The following PLAT variants were observed in gnomAD, a reference collection of about 807,000 sequenced individuals.
The protein encoded by PLAT is tissue-type plasminogen activator.
Under a neutral mutation model 74.9 loss-of-function variants are expected in PLAT, and 48 were observed. That is an observed-to-expected ratio of 0.64 (90% CI 0.51 to 0.82). The LOEUF is 0.82. PLAT is among the 40% of genes least tolerant of loss of function. The pLI, the probability that PLAT is intolerant of heterozygous loss-of-function variation, is 0.00. For synonymous variants in PLAT, 307 were observed against 294.4 expected (o/e 1.04, Z -0.44); for missense variants, 673 against 736.2 (o/e 0.91, Z 0.99).
At chr8:42,196,059 T>A (rs569885235) in intron 1 of PLAT, among the ~76,000 whole-genome samples, 1 of 152,312 alleles carries the variant, frequency 6.6e-6, no homozygotes, top group Non-Finnish European at 1.5e-5. Context: ...CCAAAAGGAA[T>A]GCAATCCCAG....
intron 13 of PLAT, among the ~76,000 whole-genome samples, chr8:42,177,841 A>G (rs1283786084): frequency 6.6e-6 from 1 of 152,226 alleles, no homozygotes; most frequent in African/African-American, 2.4e-5. Context: ...GAAACCGCCG[A>G]TATGACTGCC....
chr8:42,203,182 C>T (rs892686068), intron 1 of PLAT, among the ~76,000 whole-genome samples: 5 of 152,202 alleles, frequency 3.3e-5, no homozygotes, highest in Non-Finnish European at 5.9e-5. Context: ...ACACAGGTCT[C>T]CTGGTATCTG....
At chr8:42,176,629 A>G (rs1464909060) in intron 13 of PLAT, among the ~76,000 whole-genome samples, 1 of 152,228 alleles carries the variant, frequency 6.6e-6, no homozygotes. Flanking sequence ...AAATACACGA[A>G]TGCATGATAA....
In PLAT at chr8:42,185,111, C is replaced by T. The variant is rs1462718222; in HGVS notation, c.601G>A (p.Glu201Lys). ...YVFKAGKYSS[E>K]FCSTPACSEG... ...GAGCAGGCAGGGGTGCTGCAGAACT[C>T]TGAGCTGTACTTCCCCGCCTTAAAG... is the stretch of plus-strand genomic sequence containing the variant. The change falls in exon 7 of 14, where the codon GAG becomes AAG. Residue 201 changes from glutamate (E) to lysine (K), a missense_variant. Physicochemically the swap from Glu to Lys is moderately conservative, Grantham distance 56 (BLOSUM62 1). Transcript: ENST00000220809. The T allele has an allele frequency of 3.1e-6, 5 of 1,611,988 alleles. No individual in the cohort carries two copies. The highest frequency in any genetic ancestry group is 1.7e-5 in the Admixed American group (1 of 59,582).
chr8:42,185,384 T>C lies in PLAT; in HGVS notation c.540-212A>G, dbSNP rs1805414315. 4 of 382,426 alleles carry C rather than the reference T, an allele frequency of 1.0e-5. No homozygotes were observed. In the East Asian group the frequency reaches 1.7e-4, roughly 16 times the overall value. 23.7% of individuals were successfully genotyped at this position (382,426 alleles called of 1,614,324 possible). On this transcript the variant is annotated intron_variant, in intron 6 of 13. Transcript: ENST00000220809. Reference sequence around the variant, plus strand: ...ATTTGGGCAATTCTTCAGCCTCAGCTTCCCGAGTAGCTGGGATTACAGGTG... The same window carrying C: ...ATTTGGGCAATTCTTCAGCCTCAGCCTCCCGAGTAGCTGGGATTACAGGTG...
chr8:42,179,030 G>A lies in PLAT; in HGVS notation c.1397C>T (p.Ala466Val), dbSNP rs756882853. Residue 466 changes from alanine to valine, a missense_variant, in exon 13 of 14, where the codon GCT becomes GTT. By Grantham distance (64) the Ala-to-Val change is moderately conservative. Transcript: ENST00000220809. ...SPFYSERLKE[A>V]HVRLYPSSRC... ...GCTGGATGGGTACAGTCTGACATGA[G>A]CCTCCTTCAGCCGCTCCGAATAGAA... The A allele has an allele frequency of 6.2e-7, 1 of 1,612,936 alleles. No homozygotes were observed. The highest frequency in any genetic ancestry group is 8.5e-7 in the Non-Finnish European group (1 of 1,178,882).
intron 1 of PLAT, among the ~76,000 whole-genome samples, chr8:42,206,094 C>T (rs1806320315): frequency 6.6e-6 from 1 of 152,192 alleles, no homozygotes; most frequent in African/African-American, 2.4e-5. Flanking sequence ...GCCGCAGACA[C>T]TGGGAGAATC....
At chr8:42,187,332 C>T in intron 6 of PLAT, 66 bp downstream of exon 6, 1 of 1,409,636 alleles carries the variant, frequency 7.1e-7, no homozygotes, top group Non-Finnish European at 9.6e-7. Flanking sequence ...ACGGATCTGA[C>T]AGAATCTTTC....
Position 42,175,630 on chromosome 8 carries a change from C to T in PLAT, c.*363G>A. The T allele has an allele frequency of 5.3e-6, 1 of 189,718 alleles. No individual in the cohort carries two copies. The allele number at this position is 189,718 out of a possible 1,614,324, so 11.8% of individuals were successfully genotyped here. ...TGTTATCTTTTACTATTGAGACATG[C>T]TTTCATTTTTGTGGTCCTGTTTCCA... On this transcript the variant is annotated 3_prime_UTR_variant, in exon 14 of 14. Coordinates refer to ENST00000220809, the MANE Select transcript of PLAT (RefSeq NM_000930.5).
At position 42,175,667 on chromosome 8, in the gene PLAT, G is replaced by A. The variant is rs891002212; in HGVS notation, c.*326C>T. The stretch of plus-strand genomic sequence containing the variant: ...TGGTCCTGTTTCCAAAGCTGCTCAC[G>A]GTGACAGGTCAGGAGGTTGGGCTTT... On this transcript the variant is annotated 3_prime_UTR_variant, in exon 14 of 14. Coordinates refer to ENST00000220809, the MANE Select transcript of PLAT (RefSeq NM_000930.5). The A allele has an allele frequency of 1.7e-5, 4 of 241,284 alleles. No individual in the cohort carries two copies. The highest frequency in any genetic ancestry group is 3.2e-5 in the Non-Finnish European group (4 of 124,254). The allele number at this position is 241,284 out of a possible 1,614,324, so 14.9% of individuals were successfully genotyped here. A position where few individuals can be genotyped will look rare whatever the true frequency, so the allele number is the denominator to read the frequency against.
At chr8:42,188,246 C>G (rs547197720) in intron 4 of PLAT, 113 of 449,744 alleles carry the variant, frequency 2.5e-4, no homozygotes, top group African/African-American at 1.9e-3. Flanking sequence ...TCAAGGGTCC[C>G]CTGTATTTTC....
chr8:42,201,917 C>T (rs1425289115), intron 1 of PLAT, among the ~76,000 whole-genome samples: 5 of 152,178 alleles, frequency 3.3e-5, no homozygotes, highest in Admixed American at 1.3e-4. Context: ...TGTTAGACAC[C>T]GGCTCTTGCT....
At chr8:42,206,420 C>T (rs923308789) in intron 1 of PLAT, among the ~76,000 whole-genome samples, 3 of 152,184 alleles carry the variant, frequency 2.0e-5, no homozygotes, top group South Asian at 2.1e-4. Flanking sequence ...CCAGAATGAG[C>T]GTTCTTGCCA....
chr8:42,201,011 G>A (rs1308623295), intron 1 of PLAT, among the ~76,000 whole-genome samples: 1 of 152,096 alleles, frequency 6.6e-6, no homozygotes, highest in Admixed American at 6.5e-5. Context: ...TGTATTTTTA[G>A]TAGAGACAGG....
Position 42,187,556 on chromosome 8 carries a change from G to T in PLAT, c.381C>A (p.Cys127Ter), listed in dbSNP as rs373564770. 2 of 1,600,344 alleles carry T rather than the reference G, an allele frequency of 1.2e-6. No individual in the cohort carries two copies. Among genetic ancestry groups the T allele is most frequent in the Non-Finnish European group, 8.5e-7 (1 of 1,171,614 alleles). ...KCCEIDTRAT[C>*]YEDQGISYRG... The stretch of plus-strand genomic sequence containing the variant: ...TGTAGCTGATGCCCTGGTCCTCGTA[G>T]CACGTGGCCCTGGTATCTGACAGAG... Residue 127 changes from cysteine to a stop codon, truncating the protein, a stop_gained, in exon 6 of 14, where the codon TGC becomes TGA. Coordinates refer to ENST00000220809, the MANE Select transcript of PLAT (RefSeq NM_000930.5). LOFTEE classifies it high-confidence loss of function.
intron 1 of PLAT, among the ~76,000 whole-genome samples, chr8:42,194,794 A>ACCCCCCCCCCCCC (rs8178720): frequency 4.1e-5 from 5 of 121,822 alleles, no homozygotes; most frequent in Non-Finnish European, 8.5e-5. Flanking sequence ...CTCCACGCCC[A>ACCCCCCCCCCCCC]CCCCCCCCAC....
intron 7 of PLAT, among the ~76,000 whole-genome samples, chr8:42,184,299 TA>T (rs1805366467): frequency 6.6e-6 from 1 of 152,150 alleles, no homozygotes; most frequent in Non-Finnish European, 1.5e-5. Context: ...ATGTGATAAG[TA>T]ACGTAATGAT....
chr8:42,188,398 T>C (rs2070712), intron 4 of PLAT: 136,249 of 177,340 alleles, frequency 0.77, 53,308 homozygotes, highest in African/African-American at 0.94. Context: ...CACCTCTTTA[T>C]AGATGAGGAA....
chr8:42,193,616 A>G (rs1033324641), intron 1 of PLAT: 4 of 173,686 alleles, frequency 2.3e-5, no homozygotes, highest in Middle Eastern at 2.8e-3. Flanking sequence ...ACTGCTCTAC[A>G]TACATCCTAG....
Sources: gnomAD v4.1 joint callset for allele counts (sites outside exome capture counted in the v4.1 genomes callset) on GRCh38, gnomAD v4.1.1 for gene constraint, MANE v1.5 for transcripts, NCBI Gene and HGNC (gene_info 2026-07-23, HGNC 2026-07-21) for gene names.